Variants in DGKB observed in about 807,000 individuals in gnomAD.
DGKB encodes 90 kDa diacylglycerol kinase.
Under a neutral mutation model 114.3 loss-of-function variants are expected in DGKB, and 67 were observed. The ratio of observed to expected loss-of-function variants is 0.59; its 90% CI spans 0.48 to 0.72. The LOEUF (loss-of-function observed/expected upper bound fraction) is 0.72, where lower values mean the gene tolerates loss of function less well. Among genes scored for constraint, DGKB ranks in the 30% least tolerant of loss-of-function variants. DGKB has a pLI of 0.00. For synonymous variants in DGKB, 398 were observed against 323.1 expected (o/e 1.23, Z -2.49); for missense variants, 907 against 975.2 (o/e 0.93, Z 0.93).
At chr7:14,384,582 G>A (rs956560947) in intron 21 of DGKB, among the ~76,000 whole-genome samples, 1 of 152,178 alleles carries the variant, frequency 6.6e-6, no homozygotes, top group African/African-American at 2.4e-5. Context: ...AGGGCCCACA[G>A]AACTCACCTG....
At chr7:14,661,755 C>G (rs1201338727) in intron 13 of DGKB, among the ~76,000 whole-genome samples, 2 of 151,512 alleles carry the variant, frequency 1.3e-5, no homozygotes, top group African/African-American at 4.8e-5. Flanking sequence ...CACATGCACA[C>G]GTATGTTTAT....
intron 23 of DGKB, among the ~76,000 whole-genome samples, chr7:14,244,715 T>A (rs931956582): frequency 1.6e-4 from 24 of 147,702 alleles, no homozygotes; most frequent in Non-Finnish European, 3.0e-5. Context: ...GGGAGTTGAT[T>A]AGGTCATGAG....
intron 20 of DGKB, among the ~76,000 whole-genome samples, chr7:14,490,253 T>C (rs2128930667): frequency 6.6e-6 from 1 of 152,258 alleles, no homozygotes; most frequent in African/African-American, 2.4e-5. Context: ...AGTTACATAG[T>C]CTACTATCTC....
At chr7:14,723,398 G>GGTTT (rs35832101) in intron 5 of DGKB, among the ~76,000 whole-genome samples, 88,413 of 151,328 alleles carry the variant, frequency 0.58, 26,598 homozygotes, top group East Asian at 0.88. Context: ...AAAACAAAAG[G>GGTTT]GTTTGTTTGT....
intron 21 of DGKB, among the ~76,000 whole-genome samples, chr7:14,398,793 TA>T (rs11458922): frequency 2.7e-5 from 4 of 147,520 alleles, no homozygotes; most frequent in African/African-American, 5.0e-5. Flanking sequence ...GGTCTATGAC[TA>T]AAAAAAAAAA....
At chr7:14,916,128 A>T (rs1224471257) in intron 1 of DGKB, among the ~76,000 whole-genome samples, 1 of 152,070 alleles carries the variant, frequency 6.6e-6, no homozygotes, top group Non-Finnish European at 1.5e-5. Context: ...TACTATACTG[A>T]AAAATGAACA....
At chr7:14,408,331 G>T (rs989095858) in intron 21 of DGKB, among the ~76,000 whole-genome samples, 5 of 152,054 alleles carry the variant, frequency 3.3e-5, no homozygotes, top group Admixed American at 6.6e-5. Flanking sequence ...TTGTCTTGGA[G>T]GGAGTAAGAA....
intron 1 of DGKB, among the ~76,000 whole-genome samples, chr7:14,858,231 G>T (rs217543): frequency 0.11 from 17,134 of 152,182 alleles, 1,362 homozygotes; most frequent in Middle Eastern, 0.18. Context: ...TGCTTCGCTG[G>T]AAACAGCCAG....
In DGKB at chr7:14,738,443, C is replaced by T. The variant is rs190016066; in HGVS notation, c.169-2249G>A. Among the ~76,000 whole-genome samples the T allele has an allele frequency of 2.0e-5, 3 of 152,320 alleles. No individual in the cohort carries two copies. In the East Asian group the frequency reaches 5.8e-4, roughly 29 times the overall value. On this transcript the variant is annotated intron_variant, in intron 4 of 25. Coordinates refer to ENST00000402815, the MANE Select transcript of DGKB (RefSeq NM_001350709.2). ...GATCAACTCTTGAATCCAACACAAG[C>T]TGTGTCACTGTGGACAATTTAAGCT... is the stretch of plus-strand genomic sequence containing the variant.
intron 23 of DGKB, among the ~76,000 whole-genome samples, chr7:14,207,880 A>C (rs1348668243): frequency 6.6e-6 from 1 of 152,024 alleles, no homozygotes; most frequent in African/African-American, 2.4e-5. Flanking sequence ...AAAAAATGTA[A>C]AATGAATAAT....
chr7:14,411,780 G>A lies in DGKB; in HGVS notation c.1835+66381C>T, dbSNP rs1341239827. Reference sequence around the variant, plus strand: ...CCCCTACCTCTTTCTTTTTTTTCTGGAAATAATTATAGATACAAAGAAAGC... The same window carrying A: ...CCCCTACCTCTTTCTTTTTTTTCTGAAAATAATTATAGATACAAAGAAAGC... On this transcript the variant is annotated intron_variant, in intron 21 of 25. Coordinates refer to ENST00000402815, the MANE Select transcript of DGKB (RefSeq NM_001350709.2). 2.8e-4 allele frequency among the ~76,000 whole-genome samples: 3 copies of A among 10,696 alleles called. 1 individual carries two copies. The highest frequency in any genetic ancestry group is 9.0e-4 in the Non-Finnish European group (2 of 2,226). 7.0% of individuals were successfully genotyped at this position (10,696 alleles called of 152,430 possible).
At chr7:14,267,834 T>C (rs1797736176) in intron 23 of DGKB, among the ~76,000 whole-genome samples, 1 of 152,148 alleles carries the variant, frequency 6.6e-6, no homozygotes, top group African/African-American at 2.4e-5. Context: ...TATATAAATA[T>C]AGATAACTAG....
chr7:14,961,427 T>G (rs1210443971), intron 1 of DGKB, among the ~76,000 whole-genome samples: 1 of 152,112 alleles, frequency 6.6e-6, no homozygotes. Context: ...GAATTGTGTT[T>G]AGTAAGTTGA....
intron 1 of DGKB, among the ~76,000 whole-genome samples, chr7:14,934,781 T>C (rs1233802441): frequency 2.0e-5 from 3 of 152,216 alleles, no homozygotes; most frequent in Non-Finnish European, 4.4e-5. Flanking sequence ...AGAATGTCTA[T>C]TTCAATCAAT....
intron 17 of DGKB, among the ~76,000 whole-genome samples, chr7:14,605,092 C>G (rs1804234085): frequency 6.6e-6 from 1 of 151,932 alleles, no homozygotes; most frequent in Non-Finnish European, 1.5e-5. Flanking sequence ...CAAGAATATG[C>G]AGATAAATTG....
intron 23 of DGKB, among the ~76,000 whole-genome samples, chr7:14,290,747 G>T (rs571569840): frequency 2.6e-5 from 4 of 152,256 alleles, no homozygotes; most frequent in Admixed American, 6.5e-5. Flanking sequence ...CTCCTGTCAA[G>T]AAAACATCTC....
At chr7:14,758,560 C>A (rs1006453688) in intron 2 of DGKB, among the ~76,000 whole-genome samples, 9 of 151,980 alleles carry the variant, frequency 5.9e-5, no homozygotes, top group African/African-American at 2.2e-4. Flanking sequence ...AATGAAAAAA[C>A]CTCAAAATTA....
intron 13 of DGKB, among the ~76,000 whole-genome samples, chr7:14,663,789 A>T (rs1471126511): frequency 2.8e-5 from 4 of 145,114 alleles, no homozygotes; most frequent in Non-Finnish European, 6.1e-5. Flanking sequence ...TAAAACTTTT[A>T]ACTGGGCTCC....
intron 17 of DGKB, among the ~76,000 whole-genome samples, chr7:14,594,116 TG>T (rs1264631215): frequency 3.3e-5 from 5 of 152,106 alleles, no homozygotes; most frequent in Admixed American, 3.3e-4. Context: ...CTAACTTTGT[TG>T]TAATTTTGTT....
Sources: allele counts gnomAD v4.1 joint callset (sites outside exome capture counted in the v4.1 genomes callset), GRCh38; gene constraint gnomAD v4.1.1; transcripts MANE v1.5; gene names NCBI Gene and HGNC (gene_info 2026-07-23, HGNC 2026-07-21).